The following COBLL1 variants were observed in gnomAD, a reference collection of about 807,000 sequenced individuals.
COBLL1 encodes the protein cordon-bleu protein-like 1.
A neutral mutation model predicts 94.8 loss-of-function variants in COBLL1; 50 were observed. That is an observed-to-expected ratio of 0.53 (90% CI 0.42 to 0.67). The LOEUF (loss-of-function observed/expected upper bound fraction) is 0.67, where lower values mean the gene tolerates loss of function less well. Among genes scored for constraint, COBLL1 ranks in the 30% least tolerant of loss-of-function variants. The pLI, the probability that COBLL1 is intolerant of heterozygous loss-of-function variation, is 0.00. For synonymous variants in COBLL1, 448 were observed against 473.8 expected (o/e 0.95, Z 0.71); for missense variants, 1,362 against 1,348.7 (o/e 1.01, Z -0.15).
At chr2:164,775,132 G>A (rs781410413) in intron 2 of COBLL1, among the ~76,000 whole-genome samples, 3 of 148,214 alleles carry the variant, frequency 2.0e-5, no homozygotes, top group Non-Finnish European at 3.0e-5. Flanking sequence ...CTCCAGCCTC[G>A]GCAACAGGAA....
In COBLL1 at chr2:164,694,925, G is replaced by A. The variant is rs762968986; in HGVS notation, c.2467C>T (p.Leu823=). Residue 823 remains leucine, a synonymous_variant, in exon 12 of 14, where the codon CTG becomes TTG. Coordinates refer to ENST00000652658, the MANE Select transcript of COBLL1 (RefSeq NM_001365672.2). The stretch of plus-strand genomic sequence containing the variant: ...CTTGTCATTTTGGGAGCAGGTTTCA[G>A]AGGACTAACCATGGCATCATCAGGT... ...SSPDDAMVSP[L]KPAPKMTRDT... is the part of the protein sequence containing the mutation. 5 of 1,613,796 alleles carry A rather than the reference G, an allele frequency of 3.1e-6. No individual in the cohort carries two copies. The highest frequency in any genetic ancestry group is 2.7e-5 in the African/African-American group (2 of 74,890).
intron 7 of COBLL1, among the ~76,000 whole-genome samples, chr2:164,720,017 A>T (rs991528030): frequency 8.5e-5 from 13 of 152,188 alleles, no homozygotes; most frequent in Non-Finnish European, 1.6e-4. Context: ...CCAAGGGGGT[A>T]ATTAACCACA....
At chr2:164,783,177 G>T (rs549973835) in intron 2 of COBLL1, among the ~76,000 whole-genome samples, 99 of 152,202 alleles carry the variant, frequency 6.5e-4, no homozygotes, top group African/African-American at 2.3e-3. Context: ...TGAGGTGAGA[G>T]AATCAGTTGA....
chr2:164,679,294 T>C (rs940819476), downstream of COBLL1, among the ~76,000 whole-genome samples: 3 of 152,150 alleles, frequency 2.0e-5, no homozygotes, highest in Non-Finnish European at 4.4e-5. Flanking sequence ...CAGCCATCCA[T>C]CAGGTTTCAA....
intron 9 of COBLL1, chr2:164,703,798 C>G (rs980472816): frequency 4.4e-6 from 1 of 225,056 alleles, no homozygotes; most frequent in African/African-American, 2.4e-5. Flanking sequence ...TATTACTAGT[C>G]TATCACATTC....
At chr2:164,715,349 T>C (rs1035854357) in intron 7 of COBLL1, among the ~76,000 whole-genome samples, 1 of 152,104 alleles carries the variant, frequency 6.6e-6, no homozygotes, top group East Asian at 1.9e-4. Flanking sequence ...TCCTAGGCAA[T>C]TGTAGAATTA....
intron 7 of COBLL1, among the ~76,000 whole-genome samples, chr2:164,706,668 T>C (rs1283287947): frequency 6.6e-6 from 1 of 152,168 alleles, no homozygotes; most frequent in Non-Finnish European, 1.5e-5. Flanking sequence ...CTTGTATCTG[T>C]CACATCTCAC....
At position 164,668,706 on chromosome 2, in the gene COBLL1, C is replaced by A. The variant is rs549775397; in HGVS notation, n.127-2805G>T. Among the ~76,000 whole-genome samples the A allele has an allele frequency of 2.0e-5, 3 of 152,266 alleles. No individual in the cohort carries two copies. In the South Asian group the frequency reaches 6.2e-4, roughly 32 times the overall value. On this transcript the variant is annotated intron_variant and non_coding_transcript_variant, in intron 1 of 2. Transcript: ENST00000495084. The stretch of plus-strand genomic sequence containing the variant: ...GTATATTTAGTGCCCTGCTTTTTAA[C>A]TTTTCCTTTTTCTCTGTTATTTTCT...
chr2:164,693,074 G>A (rs537019274), intron 12 of COBLL1, among the ~76,000 whole-genome samples: 17 of 152,192 alleles, frequency 1.1e-4, no homozygotes, highest in African/African-American at 3.9e-4. Context: ...ATGTTATCAA[G>A]TAATCTTAAA....
chr2:164,663,200 T>A (rs1691099110), intron 2 of COBLL1, among the ~76,000 whole-genome samples: 1 of 152,214 alleles, frequency 6.6e-6, no homozygotes, highest in Non-Finnish European at 1.5e-5. Context: ...CTTTCTTCAA[T>A]GCACATACAT....
intron 9 of COBLL1, chr2:164,703,244 G>T (rs192795008): frequency 2.0e-6 from 3 of 1,512,808 alleles, no homozygotes; most frequent in South Asian, 1.1e-5. Context: ...AGAATCTGTA[G>T]AAATGGCACT....
At chr2:164,702,754 TCCACCTCAG>T (rs1684371880) in intron 9 of COBLL1, among the ~76,000 whole-genome samples, 1 of 151,910 alleles carries the variant, frequency 6.6e-6, no homozygotes, top group Non-Finnish European at 1.5e-5. Flanking sequence ...CAAGCAATCT[TCCACCTCAG>T]CCTCATGAGT....
At chr2:164,662,472 A>G (rs924465324) in intron 2 of COBLL1, among the ~76,000 whole-genome samples, 1 of 152,252 alleles carries the variant, frequency 6.6e-6, no homozygotes, top group East Asian at 1.9e-4. Flanking sequence ...CCTGTGTAAC[A>G]TGGAACTAAT....
At chr2:164,722,339 T>C in intron 6 of COBLL1, 28 bp from the exon 7 acceptor site, 1 of 1,582,042 alleles carries the variant, frequency 6.3e-7, no homozygotes, top group Non-Finnish European at 8.6e-7. Flanking sequence ...AGACAAAATC[T>C]AGTAATTTCA....
chr2:164,804,868 A>G (rs1287932988), intron 2 of COBLL1, among the ~76,000 whole-genome samples: 1 of 152,148 alleles, frequency 6.6e-6, no homozygotes, highest in African/African-American at 2.4e-5. Context: ...AACACCACAC[A>G]TGGACTCTCT....
chr2:164,818,769 C>CATATATATATATATATATATATATATAT (rs752386836), intron 2 of COBLL1, among the ~76,000 whole-genome samples: 27 of 139,478 alleles, frequency 1.9e-4, no homozygotes, highest in Non-Finnish European at 2.6e-4. Context: ...CTTATGTAAA[C>CATATATATATATATATATATATATATAT]ATATATATAT....
At chr2:164,713,211 G>C (rs1231362438) in intron 7 of COBLL1, among the ~76,000 whole-genome samples, 1 of 151,932 alleles carries the variant, frequency 6.6e-6, no homozygotes, top group Admixed American at 6.6e-5. Context: ...TTCACTGATG[G>C]CATAGAAAAT....
intron 2 of COBLL1, among the ~76,000 whole-genome samples, chr2:164,783,688 C>T (rs1688815482): frequency 6.6e-6 from 1 of 151,834 alleles, no homozygotes; most frequent in South Asian, 2.1e-4. Flanking sequence ...TCACACTGGC[C>T]AGGCGCAGTG....
At chr2:164,801,593 GAGAGAA>G (rs1379570652) in intron 2 of COBLL1, among the ~76,000 whole-genome samples, 1 of 151,950 alleles carries the variant, frequency 6.6e-6, no homozygotes, top group Non-Finnish European at 1.5e-5. Context: ...ACGCCAGCCT[GAGAGAA>G]AGAGCAAGAG....
Sources: gnomAD v4.1 joint callset for allele counts (sites outside exome capture counted in the v4.1 genomes callset) on GRCh38, gnomAD v4.1.1 for gene constraint, MANE v1.5 for transcripts, NCBI Gene and HGNC (gene_info 2026-07-23, HGNC 2026-07-21) for gene names.